ADGRL1: variants seen among roughly 807,000 people sequenced by gnomAD.
ADGRL1 encodes the protein CIRL-1.
Under a neutral mutation model 148.9 loss-of-function variants are expected in ADGRL1, and 31 were observed. The ratio of observed to expected loss-of-function variants is 0.21; its 90% CI spans 0.16 to 0.28. ADGRL1 has a LOEUF of 0.28. Ranked by LOEUF, ADGRL1 falls within the 10% of genes least tolerant of loss-of-function variation. The pLI is 1.00. For synonymous variants in ADGRL1, 937 were observed against 900.3 expected (o/e 1.04, Z -0.73); for missense variants, 1,521 against 2,058.8 (o/e 0.74, Z 5.05).
chr19:14,152,094 C>G lies in ADGRL1; in HGVS notation c.3667+39G>C. On this transcript the variant is annotated intron_variant, in intron 22 of 22. Transcript: ENST00000361434. This position sits in a 1 kb window ranked among gnomAD's most constrained non-coding sequence, Gnocchi z 6.1. ...GAGAAGGCCACTGTCTGTCCCTCTC[C>G]CAGCCTCAGAAACATCCCCAGGGAA... 6.3e-7 allele frequency: 1 copy of G among 1,595,314 alleles called. No homozygotes were observed. The highest frequency in any genetic ancestry group is 8.6e-7 in the Non-Finnish European group (1 of 1,162,874).
Position 14,155,202 on chromosome 19 carries a change from C to T in ADGRL1, c.3294+157G>A. 1.2e-6 allele frequency: 1 copy of T among 812,130 alleles called. No individual in the cohort carries two copies. The highest frequency in any genetic ancestry group is 1.9e-6 in the Non-Finnish European group (1 of 518,312). 50.3% of individuals were successfully genotyped at this position (812,130 alleles called of 1,614,324 possible). On this transcript the variant is annotated intron_variant, in intron 18 of 22. Coordinates refer to ENST00000361434, the MANE Select transcript of ADGRL1 (RefSeq NM_014921.5). This position sits in a 1 kb window ranked among gnomAD's most constrained non-coding sequence, Gnocchi z 5.0. ...CTCCCTAACCCTGAGCTCGTGCTCCCCTCCCGGTGGACGCAGACCTGACCA... is the reference window on the plus strand; with the variant it reads ...CTCCCTAACCCTGAGCTCGTGCTCCTCTCCCGGTGGACGCAGACCTGACCA...
At position 14,156,145 on chromosome 19, in the gene ADGRL1, C is replaced by T. The variant is rs753691173; in HGVS notation, c.3090G>A (p.Val1030=). The T allele has an allele frequency of 1.2e-6, 2 of 1,612,740 alleles. No homozygotes were observed. The highest frequency in any genetic ancestry group is 1.1e-5 in the South Asian group (1 of 90,696). ...CCAGGCGGCTGGAGTCGGGCTTGAG[C>T]ACAGATGAGCTTCGGATCATCTTGT... The part of the protein sequence containing the change: ...TLHKMIRSSS[V]LKPDSSRLDN... Residue 1030 remains valine, a synonymous_variant, in exon 17 of 23, where the codon GTG becomes GTA. Transcript: ENST00000361434.
intron 22 of ADGRL1, 132 bp from the exon 23 acceptor site, chr19:14,151,747 CT>C (rs1008798496): frequency 1.2e-6 from 1 of 842,850 alleles, no homozygotes. Flanking sequence ...CCCCTGCCCC[CT>C]GGATCTCTGA....
chr19:14,197,946 G>T (rs1254201352), intron 1 of ADGRL1, among the ~76,000 whole-genome samples: 4 of 152,048 alleles, frequency 2.6e-5, no homozygotes, highest in Admixed American at 6.6e-5. Context: ...CTTGACAGGG[G>T]GTATACATGT....
At chr19:14,184,650 T>A (rs10405005) in intron 1 of ADGRL1, among the ~76,000 whole-genome samples, 4,176 of 131,000 alleles carry the variant, frequency 0.032, 85 homozygotes, top group Non-Finnish European at 0.043. Flanking sequence ...TTATTTATTT[T>A]TTTTTCTGAG....
chr19:14,170,837 G>T, intron 3 of ADGRL1, 46 bp from the exon 4 acceptor site: 1 of 897,062 alleles, frequency 1.1e-6, no homozygotes. Context: ...CATAGACGGG[G>T]TGGCGGGGGT....
chr19:14,168,643 C>A (rs975677969), intron 4 of ADGRL1: 1 of 152,246 alleles, frequency 6.6e-6, no homozygotes, highest in African/African-American at 2.4e-5. Context: ...TTCTTTCCTG[C>A]GGCTTGACCT....
At chr19:14,185,238 C>T (rs931612334) in intron 1 of ADGRL1, among the ~76,000 whole-genome samples, 1 of 152,180 alleles carries the variant, frequency 6.6e-6, no homozygotes, top group Non-Finnish European at 1.5e-5. Context: ...CAGGTGTGGT[C>T]CCAGCACACT....
chr19:14,182,619 C>T (rs1376224107), intron 2 of ADGRL1, among the ~76,000 whole-genome samples: 1 of 152,180 alleles, frequency 6.6e-6, no homozygotes, highest in Non-Finnish European at 1.5e-5. Context: ...CCATCTGCCT[C>T]CTCATCTAAT....
At chr19:14,193,259 C>T (rs1425134773) in intron 1 of ADGRL1, among the ~76,000 whole-genome samples, 11 of 140,742 alleles carry the variant, frequency 7.8e-5, no homozygotes, top group African/African-American at 2.1e-4. Context: ...TATGGCCCCC[C>T]GCCCCCACCG....
chr19:14,194,847 T>C (rs1240387424), intron 1 of ADGRL1, among the ~76,000 whole-genome samples: 1 of 151,942 alleles, frequency 6.6e-6, no homozygotes, highest in African/African-American at 2.4e-5. Context: ...GGTCACCTTA[T>C]TTGTCTTTCT....
chr19:14,191,233 A>G, intron 1 of ADGRL1: 2 of 456,240 alleles, frequency 4.4e-6, no homozygotes, highest in South Asian at 3.1e-5. Flanking sequence ...TGTCCCTCAG[A>G]CTCAGAGGTG....
chr19:14,182,118 C>CGCCTCTGT (rs1299998956), intron 2 of ADGRL1, among the ~76,000 whole-genome samples: 7 of 152,190 alleles, frequency 4.6e-5, no homozygotes, highest in African/African-American at 1.7e-4. Flanking sequence ...AGTCACTGAC[C>CGCCTCTGT]GCCTCTGTGC....
At chr19:14,185,867 C>G (rs1271273069) in intron 1 of ADGRL1, among the ~76,000 whole-genome samples, 4 of 152,364 alleles carry the variant, frequency 2.6e-5, no homozygotes, top group Non-Finnish European at 1.5e-5. Context: ...TGGACCACAG[C>G]AGGCCTTGCC....
At chr19:14,199,590 T>C (rs112708798) in intron 1 of ADGRL1, among the ~76,000 whole-genome samples, 13 of 152,176 alleles carry the variant, frequency 8.5e-5, no homozygotes, top group African/African-American at 3.1e-4. Flanking sequence ...CGTGCCCAGC[T>C]AATTTTTAAT....
intron 11 of ADGRL1, 83 bp from the exon 12 acceptor site, chr19:14,158,635 C>G: frequency 8.6e-7 from 1 of 1,156,392 alleles, no homozygotes; most frequent in Non-Finnish European, 1.3e-6. Flanking sequence ...CCAGCTCAGC[C>G]AGCTCCTCAG....
At chr19:14,202,906 T>C (rs1412957782) in intron 1 of ADGRL1, among the ~76,000 whole-genome samples, 1 of 152,024 alleles carries the variant, frequency 6.6e-6, no homozygotes, top group Non-Finnish European at 1.5e-5. Flanking sequence ...ACATGCACCC[T>C]TGGCTAGATC....
At position 14,149,040 on chromosome 19, in the gene ADGRL1, T is replaced by A. The variant is rs961029497; in HGVS notation, c.*1833A>T. ...GGAGGGGCAGAGAGATGGGGAGAGG[T>A]CAGAGCAGAGGTGGAGGGGCCACCT... On this transcript the variant is annotated 3_prime_UTR_variant, in exon 23 of 23. Coordinates refer to ENST00000361434, the MANE Select transcript of ADGRL1 (RefSeq NM_014921.5). 6.6e-6 allele frequency: 1 copy of A among 151,246 alleles called. No homozygotes were observed. Among genetic ancestry groups the A allele is most frequent in the Non-Finnish European group, 1.5e-5 (1 of 67,860 alleles). The allele number at this position is 151,246 out of a possible 1,614,324, so 9.4% of individuals were successfully genotyped here. A position where few individuals can be genotyped will look rare whatever the true frequency, so the allele number is the denominator to read the frequency against.
intron 1 of ADGRL1, among the ~76,000 whole-genome samples, chr19:14,184,072 T>C (rs991235998): frequency 2.0e-5 from 3 of 152,150 alleles, no homozygotes; most frequent in African/African-American, 4.8e-5. Context: ...AAGGAGGTAA[T>C]GAGTGTCCTC....
Sources: allele counts gnomAD v4.1 joint callset (sites outside exome capture counted in the v4.1 genomes callset), GRCh38; gene constraint gnomAD v4.1.1; non-coding constraint Gnocchi (gnomAD v3.1); transcripts MANE v1.5; gene names NCBI Gene and HGNC (gene_info 2026-07-23, HGNC 2026-07-21).